The following NR1H4 variants were observed in gnomAD, a reference collection of about 807,000 sequenced individuals.
The protein encoded by NR1H4 is nuclear receptor subfamily 1 group H member 4, also known as bile acid receptor.
NR1H4 carries 23 observed loss-of-function variants against 58.5 expected under a neutral mutation model. The observed-to-expected ratio is 0.39, with a 90% CI of 0.28 to 0.56. The LOEUF is 0.56. Among genes scored for constraint, NR1H4 ranks in the 20% least tolerant of loss-of-function variants. The pLI, the probability that NR1H4 is intolerant of heterozygous loss-of-function variation, is 0.58. For synonymous variants in NR1H4, 214 were observed against 198.0 expected (o/e 1.08, Z -0.68); for missense variants, 487 against 576.9 (o/e 0.84, Z 1.60).
At chr12:100,555,153 G>C (rs1955294025) in intron 9 of NR1H4, among the ~76,000 whole-genome samples, 1 of 152,056 alleles carries the variant, frequency 6.6e-6, no homozygotes, top group Non-Finnish European at 1.5e-5. Flanking sequence ...TAGGAAATTT[G>C]GTAATCAAAG....
intron 9 of NR1H4, among the ~76,000 whole-genome samples, chr12:100,546,393 T>G (rs1298437387): frequency 6.6e-6 from 1 of 152,064 alleles, no homozygotes; most frequent in Admixed American, 6.6e-5. Flanking sequence ...TAGGGATTCT[T>G]TGTTCCAAAT....
intron 4 of NR1H4, among the ~76,000 whole-genome samples, chr12:100,513,207 G>A (rs1954167924): frequency 6.6e-6 from 1 of 152,136 alleles, no homozygotes; most frequent in South Asian, 2.1e-4. Flanking sequence ...ACCTAGCACA[G>A]TGCCTGGTAC....
At chr12:100,525,698 T>C (rs184303644) in intron 4 of NR1H4, among the ~76,000 whole-genome samples, 16 of 152,348 alleles carry the variant, frequency 1.1e-4, no homozygotes, top group Non-Finnish European at 1.9e-4. Flanking sequence ...TGGAAAAGAT[T>C]GTACAGAATT....
chr12:100,516,330 A>G (rs1223755590), intron 4 of NR1H4, among the ~76,000 whole-genome samples: 2 of 152,106 alleles, frequency 1.3e-5, no homozygotes, highest in Admixed American at 6.5e-5. Flanking sequence ...TCCAATATAC[A>G]TACTTTTGAA....
intron 4 of NR1H4, among the ~76,000 whole-genome samples, chr12:100,513,845 G>T (rs1954193363): frequency 7.1e-6 from 1 of 141,374 alleles, no homozygotes; most frequent in African/African-American, 2.7e-5. Context: ...AGGAAGGAAG[G>T]AAGGAAGGAA....
chr12:100,497,575 C>A (rs1202447678), intron 3 of NR1H4, among the ~76,000 whole-genome samples: 1 of 152,008 alleles, frequency 6.6e-6, no homozygotes, highest in Non-Finnish European at 1.5e-5. Context: ...TCTAGCCCGT[C>A]GGTAACTGAA....
At chr12:100,515,266 G>A (rs1204692631) in intron 4 of NR1H4, among the ~76,000 whole-genome samples, 2 of 150,994 alleles carry the variant, frequency 1.3e-5, no homozygotes, top group Non-Finnish European at 2.9e-5. Context: ...TGCCTCCTGG[G>A]TTCAAGTGAT....
chr12:100,474,277 C>T (rs1476956645), intron 1 of NR1H4, among the ~76,000 whole-genome samples: 1 of 152,144 alleles, frequency 6.6e-6, no homozygotes, highest in East Asian at 1.9e-4. Context: ...AGTTGCTTAC[C>T]TATTGAAAAC....
chr12:100,525,676 G>T (rs932965666), intron 4 of NR1H4, among the ~76,000 whole-genome samples: 2 of 152,122 alleles, frequency 1.3e-5, no homozygotes, highest in African/African-American at 4.8e-5. Flanking sequence ...TGTTCCCTCT[G>T]CTTCTATTTT....
At chr12:100,525,880 T>C (rs1281161011) in intron 4 of NR1H4, among the ~76,000 whole-genome samples, 1 of 152,178 alleles carries the variant, frequency 6.6e-6, no homozygotes, top group Non-Finnish European at 1.5e-5. Context: ...TTTCCAGGAA[T>C]TTCATCTAAG....
At chr12:100,497,314 A>G (rs1251878689) in intron 3 of NR1H4, among the ~76,000 whole-genome samples, 2 of 152,176 alleles carry the variant, frequency 1.3e-5, no homozygotes, top group South Asian at 2.1e-4. Context: ...GGCAGAAAGC[A>G]TAGGAACGTG....
At chr12:100,505,584 G>C (rs1373540922) in intron 3 of NR1H4, 8 of 701,158 alleles carry the variant, frequency 1.1e-5, no homozygotes, top group Non-Finnish European at 1.8e-5. Context: ...GGGCTTCTCA[G>C]ACTCCCCTGG....
intron 4 of NR1H4, among the ~76,000 whole-genome samples, chr12:100,511,478 AAAG>A (rs1254815389): frequency 1.3e-5 from 2 of 152,206 alleles, no homozygotes; most frequent in Admixed American, 6.5e-5. Context: ...TTTAAAAAAG[AAAG>A]AAGAAAGTGA....
chr12:100,510,857 G>A lies in NR1H4; in HGVS notation c.159G>A (p.Gln53=). The part of the protein sequence containing the change: ...VEPYSQYSNV[Q]FPQVQPQISS... ...CATACTCGCAATACAGCAATGTTCA[G>A]TTTCCCCAAGTTCAACCACAGATTT... is the stretch of plus-strand genomic sequence containing the variant. The change falls in exon 4 of 11, where the codon CAG becomes CAA. Residue 53 remains glutamine, a synonymous_variant. Transcript: ENST00000392986. The A allele has an allele frequency of 6.2e-7, 1 of 1,614,136 alleles. No individual in the cohort carries two copies. Among genetic ancestry groups the A allele is most frequent in the Non-Finnish European group, 8.5e-7 (1 of 1,180,012 alleles).
chr12:100,558,887 CCT>C (rs1271810509), intron 9 of NR1H4, among the ~76,000 whole-genome samples: 2 of 152,204 alleles, frequency 1.3e-5, no homozygotes, highest in Non-Finnish European at 2.9e-5. Context: ...CCTAGTTCCA[CCT>C]CTCTCAGCCG....
chr12:100,480,314 CAAAAT>C (rs1407071851), intron 1 of NR1H4, among the ~76,000 whole-genome samples: 1 of 152,084 alleles, frequency 6.6e-6, no homozygotes, highest in African/African-American at 2.4e-5. Flanking sequence ...TGTGCACTGA[CAAAAT>C]AAATGAGTGA....
intron 3 of NR1H4, among the ~76,000 whole-genome samples, chr12:100,499,480 T>C (rs1953785750): frequency 6.6e-6 from 1 of 152,204 alleles, no homozygotes; most frequent in Non-Finnish European, 1.5e-5. Flanking sequence ...CAGTTCTGGT[T>C]CTCTTGATAG....
intron 3 of NR1H4, among the ~76,000 whole-genome samples, chr12:100,501,858 G>A (rs1399512352): frequency 6.6e-6 from 1 of 152,118 alleles, no homozygotes; most frequent in Non-Finnish European, 1.5e-5. Flanking sequence ...ACTCATCTAA[G>A]GTTACACAGT....
intron 4 of NR1H4, among the ~76,000 whole-genome samples, chr12:100,527,666 A>G (rs1010284821): frequency 1.3e-5 from 2 of 152,172 alleles, no homozygotes; most frequent in African/African-American, 4.8e-5. Context: ...TAAGAAAGAG[A>G]TAATAGTATG....
Sources: gnomAD v4.1 joint callset for allele counts (sites outside exome capture counted in the v4.1 genomes callset) on GRCh38, gnomAD v4.1.1 for gene constraint, MANE v1.5 for transcripts, NCBI Gene and HGNC (gene_info 2026-07-23, HGNC 2026-07-21) for gene names.